The following NBPF9 variants were observed in gnomAD, a reference collection of about 807,000 sequenced individuals.
NBPF9 encodes NBPF member 9.
Under a neutral mutation model 97.8 loss-of-function variants are expected in NBPF9, and 91 were observed. That is an observed-to-expected ratio of 0.93 (90% CI 0.79 to 1.11). The LOEUF is 1.11. Among genes scored for constraint, NBPF9 ranks in the 50% least tolerant of loss-of-function variants. The probability of loss-of-function intolerance (pLI) is 0.00; values close to 1 mark genes in which losing one functional copy is unlikely to be tolerated. For synonymous variants in NBPF9, 334 were observed against 359.5 expected, an observed-to-expected ratio of 0.93 and a Z score of 0.80; for missense variants, 992 against 939.5, an observed-to-expected ratio of 1.06 and a Z score of -0.73.
At chr1:149,057,704 G>GGC (rs2078299287) in intron 27 of NBPF9, among the ~76,000 whole-genome samples, 197 bp from the exon 28 acceptor site, 2 of 27,850 alleles carry the variant, frequency 7.2e-5, no homozygotes, top group African/African-American at 1.9e-4. Flanking sequence ...AAGACAGATA[G>GGC]ACACACACAC....
At chr1:149,082,957 CTTTTTTT>C (rs1157992196) in intron 5 of NBPF9, among the ~76,000 whole-genome samples, 2,454 of 66,500 alleles carry the variant, frequency 0.037, 46 homozygotes, top group Middle Eastern at 0.15. Context: ...TTTTTCTTTT[CTTTTTTT>C]TTTTTTTTTT....
intron 5 of NBPF9, among the ~76,000 whole-genome samples, chr1:149,086,641 T>C (rs1362486639): frequency 2.1e-4 from 32 of 152,366 alleles, no homozygotes; most frequent in Admixed American, 1.8e-3. Context: ...TAATCATTTA[T>C]GTATTTAGAT....
chr1:149,102,498 GA>G (rs2082209558), intron 2 of NBPF9, among the ~76,000 whole-genome samples: 16 of 151,798 alleles, frequency 1.1e-4, no homozygotes. Context: ...AAGAAAGGAT[GA>G]ACAACACTGT....
intron 13 of NBPF9, among the ~76,000 whole-genome samples, chr1:149,073,255 G>GA (rs2079562519): frequency 6.9e-6 from 1 of 145,270 alleles, no homozygotes; most frequent in South Asian, 2.3e-4. Flanking sequence ...ATTTCCATGT[G>GA]AAAATACACA....
intron 25 of NBPF9, 187 bp downstream of exon 25, chr1:149,059,513 T>A: frequency 2.5e-6 from 1 of 404,980 alleles, no homozygotes; most frequent in Non-Finnish European, 4.4e-6. Flanking sequence ...TATGGTACGT[T>A]AGGAAATGAT....
At chr1:149,083,210 T>C (rs1410482902) in intron 5 of NBPF9, among the ~76,000 whole-genome samples, 41 of 140,292 alleles carry the variant, frequency 2.9e-4, no homozygotes, top group Non-Finnish European at 6.1e-5. Flanking sequence ...ATTGATTGTA[T>C]GATTATCACA....
At chr1:149,062,994 A>C in intron 20 of NBPF9, 81 bp from the exon 21 acceptor site, 1 of 638,982 alleles carries the variant, frequency 1.6e-6, no homozygotes, top group South Asian at 1.8e-5. Flanking sequence ...ATCCTCACAC[A>C]GGGACTTCAG....
At chr1:149,087,769 C>T (rs1699842) in intron 5 of NBPF9, among the ~76,000 whole-genome samples, 7,122 of 147,912 alleles carry the variant, frequency 0.048, 511 homozygotes, top group East Asian at 0.43. Context: ...TCATAATTTC[C>T]CAAAGCAATT....
intron 8 of NBPF9, among the ~76,000 whole-genome samples, chr1:149,079,478 C>T (rs1205443945): frequency 5.9e-5 from 9 of 151,420 alleles, no homozygotes; most frequent in South Asian, 4.3e-4. Context: ...AAGTAGGTGT[C>T]TTCCTAATTC....
At chr1:149,068,493 C>T (rs1251698373) in intron 17 of NBPF9, among the ~76,000 whole-genome samples, 31 of 149,830 alleles carry the variant, frequency 2.1e-4, no homozygotes, top group African/African-American at 7.2e-4. Context: ...TCTGATAAAA[C>T]AGACTTTAAA....
At chr1:149,101,761 G>A (rs1553663378) in intron 2 of NBPF9, among the ~76,000 whole-genome samples, 1 of 152,036 alleles carries the variant, frequency 6.6e-6, no homozygotes, top group African/African-American at 2.4e-5. Context: ...CTGCTAAATG[G>A]TACAACCACT....
At position 149,070,995 on chromosome 1, in the gene NBPF9, G is replaced by A. The variant is rs2079362263; in HGVS notation, c.1524C>T (p.Asp508=). 2.5e-6 allele frequency: 4 copies of A among 1,612,232 alleles called. No individual in the cohort carries two copies. In the Admixed American group the frequency reaches 5.0e-5, roughly 20 times the overall value. Residue 508 remains aspartate (D), a synonymous_variant, in exon 16 of 30, where the codon GAC becomes GAT. Transcript: ENST00000584027. ...GAGAGGATGAGCCAATGAGAGTTGA[G>A]TCGACTTTGTCTTCCTCAAATGTGA...
intron 5 of NBPF9, among the ~76,000 whole-genome samples, chr1:149,082,977 T>G (rs2080642905): frequency 2.3e-5 from 3 of 128,276 alleles, no homozygotes; most frequent in African/African-American, 8.8e-5. Context: ...TTTTTTTTTT[T>G]TTTTTGTATT....
rs2078478848 is a variant in NBPF9, at chr1:149,059,719, G to C, written c.2566C>G (p.Gln856Glu). 2 of 580,836 alleles carry C rather than the reference G, an allele frequency of 3.4e-6. 1 individual carries two copies. Among genetic ancestry groups the C allele is most frequent in the Non-Finnish European group, 6.1e-6 (2 of 329,862 alleles). 36.0% of individuals were successfully genotyped at this position (580,836 alleles called of 1,614,324 possible). The change falls in exon 25 of 30, where the codon CAA becomes GAA. Residue 856 changes from glutamine to glutamate, a missense_variant. By Grantham distance (29) the Gln-to-Glu change is conservative. This residue lies in a region of NBPF9 where 397 missense variants were observed against 213.6 expected (regional missense o/e 1.86). Coordinates refer to ENST00000584027, the Ensembl canonical transcript of NBPF9. ...AGTCACCTGGGGCATGGTGGGTTTT[G>C]ATTTTCTTCCCCTTCTTTTCTTCCC...
chr1:149,084,819 T>A (rs201523351), intron 5 of NBPF9, among the ~76,000 whole-genome samples: 1 of 149,544 alleles, frequency 6.7e-6, no homozygotes, highest in Non-Finnish European at 1.5e-5. Context: ...ACTGTGGTCC[T>A]GGACTCACTG....
chr1:149,090,619 T>A, intron 5 of NBPF9, 134 bp downstream of exon 5: 1 of 623,506 alleles, frequency 1.6e-6, no homozygotes, highest in Middle Eastern at 4.3e-4. Flanking sequence ...AGGGACATCA[T>A]CATTTAAAGT....
At chr1:149,090,567 A>C (rs2081350882) in intron 5 of NBPF9, 186 bp downstream of exon 5, 1 of 542,296 alleles carries the variant, frequency 1.8e-6, no homozygotes, top group African/African-American at 1.9e-5. Context: ...AAGAATGCCC[A>C]TAAAATTATT....
intron 4 of NBPF9, among the ~76,000 whole-genome samples, chr1:149,097,493 C>T (rs1445432689): frequency 2.0e-5 from 3 of 152,230 alleles, no homozygotes; most frequent in Non-Finnish European, 2.9e-5. Flanking sequence ...TTCCCTGCTG[C>T]TCCTTGTCCA....
intron 25 of NBPF9, 112 bp downstream of exon 25, chr1:149,059,588 G>C: frequency 2.0e-6 from 1 of 499,984 alleles, no homozygotes; most frequent in South Asian, 2.3e-5. Flanking sequence ...ATGACAGTAG[G>C]AGTAATTCAG....
Sources: allele counts gnomAD v4.1 joint callset (sites outside exome capture counted in the v4.1 genomes callset), GRCh38; gene constraint gnomAD v4.1.1; regional missense constraint gnomAD v4.1.1; transcripts MANE v1.5; gene names NCBI Gene and HGNC (gene_info 2026-07-23, HGNC 2026-07-21).